Variants in TASOR2 observed in about 807,000 individuals in gnomAD.
TASOR2 encodes the protein protein TASOR 2.
TASOR2 carries 84 observed loss-of-function variants against 199.5 expected under a neutral mutation model. That is an observed-to-expected ratio of 0.42 (90% CI 0.35 to 0.50). The LOEUF is 0.50. Among genes scored for constraint, TASOR2 ranks in the 20% least tolerant of loss-of-function variants. TASOR2 has a pLI of 0.02. For missense variants in TASOR2, 2,796 were observed against 2,835.9 expected (o/e 0.99, Z 0.32); for synonymous variants, 1,103 against 1,046.6 (o/e 1.05, Z -1.04).
Position 5,751,026 on chromosome 10 carries a change from A to C in TASOR2, c.6606+999A>C, listed in dbSNP as rs902012135. On this transcript the variant is annotated intron_variant, in intron 15 of 20. Transcript: ENST00000328090. The surrounding 1 kb of genome is among the most constrained non-coding windows in gnomAD (Gnocchi z 5.3). Reference sequence around the variant, plus strand: ...GTTTGTGTTCATGTGTTGTTTCTCCATGACTTAGGCATTTTAGATGAGAAT... The same window carrying C: ...GTTTGTGTTCATGTGTTGTTTCTCCCTGACTTAGGCATTTTAGATGAGAAT... 1.3e-5 allele frequency among the ~76,000 whole-genome samples: 2 copies of C among 152,202 alleles called. No individual in the cohort carries two copies. Among genetic ancestry groups the C allele is most frequent in the Non-Finnish European group, 2.9e-5 (2 of 68,044 alleles).
chr10:5,727,415 G>A (rs905423672), intron 10 of TASOR2, among the ~76,000 whole-genome samples: 3 of 152,050 alleles, frequency 2.0e-5, no homozygotes, highest in Admixed American at 6.6e-5. Flanking sequence ...TTTTGCCATC[G>A]TCTCTCCTGT....
chr10:5,696,652 G>A (rs1837192873), intron 1 of TASOR2, among the ~76,000 whole-genome samples: 1 of 152,064 alleles, frequency 6.6e-6, no homozygotes, highest in Admixed American at 6.6e-5. Flanking sequence ...CTGGTGCCTG[G>A]CCCTAGTCAG....
chr10:5,714,346 T>G, intron 2 of TASOR2, 139 bp downstream of exon 3: 1 of 459,192 alleles, frequency 2.2e-6, no homozygotes, highest in Non-Finnish European at 3.5e-6. Flanking sequence ...TTTAGATTTC[T>G]AACTTTAAAC....
rs548379333 is a variant in TASOR2 at position 5,708,876 on chromosome 10, A to G, written c.-287-3947A>G. ...TCCACCATGCCTGGCTAATTTTTGT[A>G]TTTTTTATAGAGGTGGGGTCTCACT... is the stretch of plus-strand genomic sequence containing the variant. On this transcript the variant is annotated intron_variant, in intron 1 of 20. Coordinates refer to ENST00000328090, the Ensembl canonical transcript of TASOR2. Among the ~76,000 whole-genome samples, 32 of 151,758 alleles carry G rather than the reference A, an allele frequency of 2.1e-4. No individual in the cohort carries two copies. In the South Asian group the frequency reaches 3.3e-3, roughly 16 times the overall value.
chr10:5,713,356 A>G (rs1037208011), intron 2 of TASOR2, among the ~76,000 whole-genome samples: 4 of 152,182 alleles, frequency 2.6e-5, no homozygotes, highest in Admixed American at 6.5e-5. Flanking sequence ...GCTTCATTCA[A>G]TATTTGAAGA....
exon 13 of TASOR2, chr10:5,739,721 T>C (rs1406772306): frequency 6.2e-7 from 1 of 1,614,164 alleles, no homozygotes; most frequent in Admixed American, 1.7e-5. Context: ...CCACAGCGGC[T>C]CACAATGATC....
At chr10:5,708,755 T>G (rs4747292) in intron 1 of TASOR2, among the ~76,000 whole-genome samples, 140,364 of 151,244 alleles carry the variant, frequency 0.93, 65,271 homozygotes, top group Non-Finnish European at 0.96. Context: ...AGGCTGGAGT[T>G]CAGGGGTGCA....
chr10:5,707,228 T>C (rs1052807877), intron 1 of TASOR2, among the ~76,000 whole-genome samples: 2 of 152,294 alleles, frequency 1.3e-5, no homozygotes, highest in East Asian at 3.9e-4. Flanking sequence ...AAGGCAATTA[T>C]AACTAAAGGA....
At position 5,710,772 on chromosome 10, in the gene TASOR2, A is replaced by G. The variant is rs1181145308; in HGVS notation, c.-287-2051A>G. On this transcript the variant is annotated intron_variant, in intron 1 of 20. Transcript: ENST00000328090. This position sits in a 1 kb window ranked among gnomAD's most constrained non-coding sequence, Gnocchi z 4.6. ...TTCAGTGTAAACAATGTGTTTCTCA[A>G]ATATTGGTCTATAGGTAATTCAATT... Among the ~76,000 whole-genome samples, 1 of 152,102 alleles carries G rather than the reference A, an allele frequency of 6.6e-6. No individual in the cohort carries two copies. The highest frequency in any genetic ancestry group is 1.5e-5 in the Non-Finnish European group (1 of 67,960).
At position 5,755,914 on chromosome 10, in the gene TASOR2, C is replaced by T. The variant is rs147448845; in HGVS notation, c.6607-699C>T. ...GGCTGAGGTAGGAGGATTGCTTGAG[C>T]CCGGGAGGTCAAAGCTGCAGTGAGC... On this transcript the variant is annotated intron_variant, in intron 15 of 20. Transcript: ENST00000328090. 3.1e-3 allele frequency among the ~76,000 whole-genome samples: 466 copies of T among 152,076 alleles called. 1 individual carries two copies. Among genetic ancestry groups the T allele is most frequent in the African/African-American group, 0.011 (442 of 41,462 alleles).
At chr10:5,739,459 G>A (rs1836073732) in intron 12 of TASOR2, among the ~76,000 whole-genome samples, 159 bp from the exon 14 acceptor site, 1 of 152,096 alleles carries the variant, frequency 6.6e-6, no homozygotes, top group Non-Finnish European at 1.5e-5. Context: ...TTTTATCTGA[G>A]GGTTGGAAGA....
intron 1 of TASOR2, among the ~76,000 whole-genome samples, chr10:5,695,136 A>G (rs750196065): frequency 2.2e-4 from 34 of 152,220 alleles, no homozygotes; most frequent in Non-Finnish European, 4.4e-4. Context: ...TAAATAGCCA[A>G]GTATTATTTA....
Position 5,719,352 on chromosome 10 carries a change from T to C in TASOR2, c.-99-1192T>C, listed in dbSNP as rs1833065275. Among the ~76,000 whole-genome samples, 1 of 152,150 alleles carries C rather than the reference T, an allele frequency of 6.6e-6. No individual in the cohort carries two copies. The highest frequency in any genetic ancestry group is 2.4e-5 in the African/African-American group (1 of 41,434). On this transcript the variant is annotated intron_variant, in intron 3 of 20. Coordinates refer to ENST00000328090, the Ensembl canonical transcript of TASOR2. The surrounding 1 kb of genome is among the most constrained non-coding windows in gnomAD (Gnocchi z 4.1). ...TACTTGCTTTTTATTTTTTTGTTTGTTTGTTTTTTGAGACAGAGTCTTGCT... is the reference window on the plus strand; with the variant it reads ...TACTTGCTTTTTATTTTTTTGTTTGCTTGTTTTTTGAGACAGAGTCTTGCT...
Position 5,731,222 on chromosome 10 carries a change from T to C in TASOR2, c.1204+19T>C. On this transcript the variant is annotated intron_variant, in intron 11 of 20. Transcript: ENST00000328090. ...AAAAGAGGTAAGCACGATTTATTTA[T>C]GTGGGTTATTATAATAATAGTTGTG... 3 of 1,590,616 alleles carry C rather than the reference T, an allele frequency of 1.9e-6. No homozygotes were observed. Among genetic ancestry groups the C allele is most frequent in the South Asian group, 1.1e-5 (1 of 90,400 alleles).
exon 15 of TASOR2, chr10:5,749,674 A>C: frequency 6.2e-7 from 1 of 1,614,220 alleles, no homozygotes. Flanking sequence ...TTCTCAAAGA[A>C]ATCACACTGT....
At chr10:5,684,944 CG>C (rs1164105596) in exon 1 of TASOR2, 1 of 397,780 alleles carries the variant, frequency 2.5e-6, no homozygotes, top group East Asian at 3.6e-5. Flanking sequence ...AGACAGAGCG[CG>C]GGCGGCCGCG....
intron 2 of TASOR2, among the ~76,000 whole-genome samples, chr10:5,715,194 G>A (rs1016791355): frequency 4.0e-5 from 6 of 150,170 alleles, no homozygotes; most frequent in Non-Finnish European, 5.9e-5. Context: ...AAAGATTATC[G>A]GGCTTCATGG....
At chr10:5,696,719 A>C (rs1390605751) in intron 1 of TASOR2, among the ~76,000 whole-genome samples, 1 of 152,168 alleles carries the variant, frequency 6.6e-6, no homozygotes, top group African/African-American at 2.4e-5. Flanking sequence ...CCTGCCATAG[A>C]ATGAAAGTCT....
At chr10:5,761,738 T>G in intron 19 of TASOR2, 1 of 286,816 alleles carries the variant, frequency 3.5e-6, no homozygotes. Context: ...TATTATTTTT[T>G]AAATCAATAC....
Sources: gnomAD v4.1 joint callset for allele counts (sites outside exome capture counted in the v4.1 genomes callset) on GRCh38, gnomAD v4.1.1 for gene constraint, Gnocchi (gnomAD v3.1) non-coding constraint, MANE v1.5 for transcripts, NCBI Gene and HGNC (gene_info 2026-07-23, HGNC 2026-07-21) for gene names.